Variants in FER observed in about 807,000 individuals in gnomAD.
FER encodes the protein tyrosine-protein kinase Fer.
A neutral mutation model predicts 111.0 loss-of-function variants in FER; 63 were observed. That is an observed-to-expected ratio of 0.57 (90% CI 0.46 to 0.70). The LOEUF is 0.70. FER is among the 30% of genes least tolerant of loss of function. The probability of loss-of-function intolerance (pLI) is 0.00; values close to 1 mark genes in which losing one functional copy is unlikely to be tolerated. For synonymous variants in FER, 327 were observed against 313.9 expected (o/e 1.04, Z -0.44); for missense variants, 914 against 954.0 (o/e 0.96, Z 0.55).
chr5:109,179,313 T>G (rs1758031678), intron 17 of FER, among the ~76,000 whole-genome samples: 1 of 152,182 alleles, frequency 6.6e-6, no homozygotes, highest in African/African-American at 2.4e-5. Context: ...CTTTCACCAT[T>G]TAAGTGTGTA....
Position 108,848,152 on chromosome 5 carries a change from G to A in FER, c.481+12345G>A, listed in dbSNP as rs1452496406. ...CCCTGGGCCTCCCAAAGTGTTGAGA[G>A]TACAGGTATGAGCCACCACATCTGA... On this transcript the variant is annotated intron_variant, in intron 5 of 19. Coordinates refer to ENST00000281092, the MANE Select transcript of FER (RefSeq NM_005246.4). Among the ~76,000 whole-genome samples, 3 of 152,250 alleles carry A rather than the reference G, an allele frequency of 2.0e-5. No individual in the cohort carries two copies. In the South Asian group the frequency reaches 6.2e-4, roughly 32 times the overall value.
At chr5:108,773,812 A>G (rs1561397168) in intron 2 of FER, among the ~76,000 whole-genome samples, 1 of 152,144 alleles carries the variant, frequency 6.6e-6, no homozygotes, top group African/African-American at 2.4e-5. Flanking sequence ...ACTACCACCA[A>G]CAGTGTAAAT....
chr5:109,021,594 TGAAG>T (rs1207704824), intron 13 of FER, among the ~76,000 whole-genome samples: 2 of 152,108 alleles, frequency 1.3e-5, no homozygotes, highest in African/African-American at 4.8e-5. Context: ...TAGTTTATAA[TGAAG>T]GATTCTTAGT....
chr5:108,871,579 A>G (rs1561541750), intron 7 of FER, 77 bp downstream of exon 7: 2 of 1,052,334 alleles, frequency 1.9e-6, no homozygotes, highest in East Asian at 2.5e-5. Context: ...CCACAGATAA[A>G]AATAAGAAAT....
intron 16 of FER, among the ~76,000 whole-genome samples, chr5:109,081,238 T>C (rs1455140314): frequency 6.6e-6 from 1 of 152,126 alleles, no homozygotes; most frequent in Admixed American, 6.6e-5. Context: ...AAGTTAATCT[T>C]AAACGAATAT....
At chr5:108,930,301 C>T (rs865834367) in intron 10 of FER, among the ~76,000 whole-genome samples, 5 of 145,318 alleles carry the variant, frequency 3.4e-5, no homozygotes, top group Admixed American at 1.4e-4. Context: ...CATAAGCCTC[C>T]GTGCCTGGCC....
chr5:108,859,427 G>A (rs990722031), intron 5 of FER, among the ~76,000 whole-genome samples: 1 of 152,078 alleles, frequency 6.6e-6, no homozygotes, highest in Non-Finnish European at 1.5e-5. Context: ...CTTTGGGAGG[G>A]GGAGAGATCA....
intron 2 of FER, among the ~76,000 whole-genome samples, chr5:108,792,858 T>C (rs1755540485): frequency 6.6e-6 from 1 of 152,042 alleles, no homozygotes; most frequent in Non-Finnish European, 1.5e-5. Context: ...CCTGTACTAT[T>C]ACTTATTTTT....
At chr5:109,118,791 A>G (rs1478421952) in intron 17 of FER, among the ~76,000 whole-genome samples, 3 of 151,924 alleles carry the variant, frequency 2.0e-5, no homozygotes, top group Non-Finnish European at 2.9e-5. Context: ...GTTTATTTGC[A>G]TAGAGGTGTT....
At chr5:109,150,077 C>T (rs377590215) in intron 17 of FER, among the ~76,000 whole-genome samples, 2 of 152,088 alleles carry the variant, frequency 1.3e-5, no homozygotes, top group South Asian at 2.1e-4. Flanking sequence ...CCCAAAATAT[C>T]CCCACCGCCA....
At chr5:109,136,513 C>T (rs1752912822) in intron 17 of FER, among the ~76,000 whole-genome samples, 1 of 152,024 alleles carries the variant, frequency 6.6e-6, no homozygotes, top group Non-Finnish European at 1.5e-5. Context: ...ATTCTTTAAT[C>T]TGTACTGCTT....
intron 13 of FER, among the ~76,000 whole-genome samples, chr5:109,031,014 T>G (rs180994526): frequency 1.5e-3 from 224 of 152,152 alleles, no homozygotes; most frequent in African/African-American, 5.0e-3. Context: ...CAGTATTTCT[T>G]GGTGGGGCAA....
At chr5:108,845,198 G>C (rs1761913883) in intron 5 of FER, among the ~76,000 whole-genome samples, 2 of 150,068 alleles carry the variant, frequency 1.3e-5, no homozygotes, top group Admixed American at 1.3e-4. Flanking sequence ...TTTACATGGT[G>C]TCTTGCTCTG....
intron 10 of FER, among the ~76,000 whole-genome samples, chr5:108,913,070 C>T (rs569361367): frequency 6.6e-6 from 1 of 152,160 alleles, no homozygotes; most frequent in African/African-American, 2.4e-5. Context: ...ACAAATACCT[C>T]AGTAAATGAA....
intron 17 of FER, among the ~76,000 whole-genome samples, chr5:109,172,198 G>A (rs1482371424): frequency 1.1e-4 from 16 of 151,672 alleles, no homozygotes; most frequent in African/African-American, 2.9e-4. Flanking sequence ...TGCTTATTGC[G>A]GCACTATTCA....
intron 2 of FER, among the ~76,000 whole-genome samples, chr5:108,795,777 T>C (rs1338509512): frequency 6.6e-6 from 1 of 152,232 alleles, no homozygotes; most frequent in East Asian, 1.9e-4. Context: ...CTCTCTGTTA[T>C]CTTGAATTTC....
chr5:108,976,934 A>G (rs1006995574), intron 13 of FER, among the ~76,000 whole-genome samples: 2 of 152,146 alleles, frequency 1.3e-5, no homozygotes, highest in Non-Finnish European at 2.9e-5. Flanking sequence ...GTGGCACTTT[A>G]TGTGGGTCCC....
Position 109,193,461 on chromosome 5 carries a change from C to T in FER, c.*5886C>T, listed in dbSNP as rs1759517900. The T allele has an allele frequency of 6.6e-6, 1 of 152,166 alleles. No homozygotes were observed. The highest frequency in any genetic ancestry group is 2.4e-5 in the African/African-American group (1 of 41,444). The allele number at this position is 152,166 out of a possible 1,614,324, so 9.4% of individuals were successfully genotyped here. On this transcript the variant is annotated 3_prime_UTR_variant, in exon 20 of 20. Coordinates refer to ENST00000281092, the MANE Select transcript of FER (RefSeq NM_005246.4). ...AACAAATGAATATTTGGAATTCACT[C>T]TAAGAGATACAAATCCTGAATTTCT...
chr5:108,952,782 A>T (rs73209360), intron 11 of FER, among the ~76,000 whole-genome samples: 2,530 of 152,024 alleles, frequency 0.017, 70 homozygotes, highest in African/African-American at 0.057. Context: ...ACTTTTTTCC[A>T]CCTTAATTAG....
Sources: gnomAD v4.1 joint callset for allele counts (sites outside exome capture counted in the v4.1 genomes callset) on GRCh38, gnomAD v4.1.1 for gene constraint, MANE v1.5 for transcripts, NCBI Gene and HGNC (gene_info 2026-07-23, HGNC 2026-07-21) for gene names.